The following CEP63 variants were observed in gnomAD, a reference collection of about 807,000 sequenced individuals.
The protein encoded by CEP63 is centrosomal protein of 63 kDa.
CEP63 carries 84 observed loss-of-function variants against 89.1 expected under a neutral mutation model. The observed-to-expected ratio is 0.94, with a 90% CI of 0.79 to 1.13. The LOEUF is 1.13. Among genes scored for constraint, CEP63 ranks in the 50% most tolerant of loss-of-function variants. The pLI is 0.00. For synonymous variants in CEP63, 267 were observed against 272.5 expected (o/e 0.98, Z 0.20); for missense variants, 838 against 813.3 (o/e 1.03, Z -0.37).
chr3:134,604,715 C>G, the CEP63 span, among the ~76,000 whole-genome samples: 1 of 152,130 alleles, frequency 6.6e-6, no homozygotes, highest in Non-Finnish European at 1.5e-5. Context: ...AGGTGGTTTT[C>G]TTTGAGAGAA....
intron 3 of CEP63, among the ~76,000 whole-genome samples, chr3:134,521,070 A>T (rs1175675618): frequency 6.6e-6 from 1 of 152,180 alleles, no homozygotes; most frequent in Non-Finnish European, 1.5e-5. Flanking sequence ...GATAAAGAAC[A>T]TCTATAAATT....
the CEP63 span, among the ~76,000 whole-genome samples, chr3:134,658,716 G>A: frequency 1.3e-5 from 2 of 152,146 alleles, no homozygotes; most frequent in African/African-American, 4.8e-5. Flanking sequence ...GGTTAAACGA[G>A]GACAAGAAGC....
the CEP63 span, among the ~76,000 whole-genome samples, chr3:134,737,327 G>T: frequency 6.6e-6 from 1 of 152,140 alleles, no homozygotes; most frequent in African/African-American, 2.4e-5. Flanking sequence ...AAAAACTTGT[G>T]ATTGTCAAAA....
chr3:134,528,569 C>CGTGT lies in CEP63; in HGVS notation c.223-3254_223-3251dup, dbSNP rs34415967. 7.3e-3 allele frequency among the ~76,000 whole-genome samples: 1,078 copies of CGTGT among 147,050 alleles called. 12 individuals carry two copies. The highest frequency in any genetic ancestry group is 0.022 in the African/African-American group (871 of 39,708). On this transcript the variant is annotated intron_variant, in intron 3 of 14. Coordinates refer to ENST00000675561, the MANE Select transcript of CEP63 (RefSeq NM_001353108.3). ...TTAAGGAGGGGTGTGTGTGTGTGTG[C>CGTGT]GTGTGTGTGTGTGTGTGTGTGTGTG...
chr3:134,560,462 C>T (rs982505323), intron 14 of CEP63, among the ~76,000 whole-genome samples: 1 of 152,192 alleles, frequency 6.6e-6, no homozygotes, highest in Non-Finnish European at 1.5e-5. Context: ...CAGCCAAGGT[C>T]GAAGTAGGCA....
downstream of CEP63, among the ~76,000 whole-genome samples, chr3:134,587,962 C>T (rs1958520013): frequency 6.6e-6 from 1 of 152,128 alleles, no homozygotes; most frequent in Non-Finnish European, 1.5e-5. Flanking sequence ...GAAGATTCCA[C>T]CCCAAAATGT....
At chr3:134,768,098 G>A in the CEP63 span, among the ~76,000 whole-genome samples, 1 of 152,158 alleles carries the variant, frequency 6.6e-6, no homozygotes, top group African/African-American at 2.4e-5. Flanking sequence ...TGAGGCTAGA[G>A]GGACAAATGG....
chr3:134,565,080 G>C (rs1560067401), downstream of CEP63: 1 of 503,640 alleles, frequency 2.0e-6, no homozygotes, highest in East Asian at 1.5e-4. Flanking sequence ...TCCGTGATCA[G>C]GGTACCCAAA....
At chr3:134,548,236 A>G (rs992670215) in intron 9 of CEP63, among the ~76,000 whole-genome samples, 2 of 152,224 alleles carry the variant, frequency 1.3e-5, no homozygotes, top group African/African-American at 4.8e-5. Context: ...AGAGTTGTCT[A>G]TACTGACTCT....
chr3:134,640,589 A>G, the CEP63 span, among the ~76,000 whole-genome samples: 1 of 152,106 alleles, frequency 6.6e-6, no homozygotes, highest in East Asian at 1.9e-4. Flanking sequence ...ACAGAGCCCA[A>G]AGGTTGTCAA....
At chr3:134,751,586 G>A in the CEP63 span, among the ~76,000 whole-genome samples, 1 of 152,156 alleles carries the variant, frequency 6.6e-6, no homozygotes, top group Admixed American at 6.5e-5. Context: ...TCACTGTTGG[G>A]AGCACTCATA....
At chr3:134,659,417 T>C in the CEP63 span, among the ~76,000 whole-genome samples, 2 of 152,140 alleles carry the variant, frequency 1.3e-5, no homozygotes, top group South Asian at 4.1e-4. Flanking sequence ...ACTCACATAG[T>C]CTTCACAATA....
chr3:134,763,206 A>G, the CEP63 span, among the ~76,000 whole-genome samples: 2 of 152,110 alleles, frequency 1.3e-5, no homozygotes, highest in South Asian at 4.2e-4. Context: ...CATTAGGTAT[A>G]TCTCCAAATG....
intron 10 of CEP63, among the ~76,000 whole-genome samples, chr3:134,587,240 C>T (rs112897299): frequency 0.018 from 2,749 of 152,102 alleles, 68 homozygotes; most frequent in African/African-American, 0.054. Context: ...CCGTTGCTGG[C>T]GAGGAGCTCT....
chr3:134,722,255 G>T, the CEP63 span, among the ~76,000 whole-genome samples: 45 of 150,400 alleles, frequency 3.0e-4, no homozygotes, highest in Non-Finnish European at 5.9e-4. Flanking sequence ...TAATTTGTTG[G>T]CATACAGTAT....
At chr3:134,648,315 C>T in the CEP63 span, among the ~76,000 whole-genome samples, 13 of 152,126 alleles carry the variant, frequency 8.5e-5, no homozygotes, top group South Asian at 2.1e-4. Flanking sequence ...ACTCAGGGGC[C>T]GCCACTCTCT....
chr3:134,487,431 T>C (rs945563361), intron 1 of CEP63, among the ~76,000 whole-genome samples: 3 of 152,226 alleles, frequency 2.0e-5, no homozygotes, highest in Admixed American at 6.5e-5. Context: ...AAAAATTGTG[T>C]ATGTTGATTG....
At chr3:134,628,093 C>A in the CEP63 span, 1 of 473,810 alleles carries the variant, frequency 2.1e-6, no homozygotes, top group Middle Eastern at 3.0e-4. Flanking sequence ...TGACCTAACA[C>A]TTTGGGTGAT....
intron 10 of CEP63, among the ~76,000 whole-genome samples, chr3:134,581,026 A>G (rs1171681466): frequency 7.7e-5 from 2 of 25,956 alleles, no homozygotes; most frequent in Non-Finnish European, 2.0e-4. Context: ...GAAGGACTCC[A>G]CTGGCCATTG....
Sources: allele counts gnomAD v4.1 joint callset (sites outside exome capture counted in the v4.1 genomes callset), GRCh38; gene constraint gnomAD v4.1.1; transcripts MANE v1.5; gene names NCBI Gene and HGNC (gene_info 2026-07-23, HGNC 2026-07-21).